FUT9: variants seen among roughly 807,000 people sequenced by gnomAD.
The protein encoded by FUT9 is fucosyltransferase 9, also known as 4-galactosyl-N-acetylglucosaminide 3-alpha-L-fucosyltransferase 9.
FUT9 carries 15 observed loss-of-function variants against 29.7 expected under a neutral mutation model. The ratio of observed to expected loss-of-function variants is 0.51; its 90% CI spans 0.34 to 0.78. The LOEUF (loss-of-function observed/expected upper bound fraction) is 0.78, where lower values mean the gene tolerates loss of function less well. Among genes scored for constraint, FUT9 ranks in the 30% least tolerant of loss-of-function variants. The probability of loss-of-function intolerance (pLI) is 0.01; values close to 1 mark genes in which losing one functional copy is unlikely to be tolerated. For synonymous variants in FUT9, 169 were observed against 153.7 expected (o/e 1.10, Z -0.74); for missense variants, 319 against 425.4 (o/e 0.75, Z 2.20).
At chr6:96,069,063 T>C (rs1398881366) in intron 1 of FUT9, among the ~76,000 whole-genome samples, 5 of 152,336 alleles carry the variant, frequency 3.3e-5, no homozygotes, top group South Asian at 2.1e-4. Flanking sequence ...ACGCCTGTCA[T>C]TCCAGCACTT....
chr6:96,070,630 T>C (rs1307323200), intron 1 of FUT9, among the ~76,000 whole-genome samples: 3 of 152,046 alleles, frequency 2.0e-5, no homozygotes, highest in African/African-American at 4.8e-5. Flanking sequence ...GAGGTTACAG[T>C]GAGCCGAGAT....
chr6:96,067,707 T>C (rs1770987984), intron 1 of FUT9, among the ~76,000 whole-genome samples: 1 of 152,076 alleles, frequency 6.6e-6, no homozygotes, highest in South Asian at 2.1e-4. Flanking sequence ...AGAATTGTGG[T>C]TGGAAGTATA....
intron 1 of FUT9, among the ~76,000 whole-genome samples, chr6:96,029,320 T>G (rs1770221182): frequency 6.6e-6 from 1 of 151,540 alleles, no homozygotes; most frequent in Non-Finnish European, 1.5e-5. Flanking sequence ...CATTGGGGCT[T>G]ATATGTGGAC....
At chr6:96,041,506 A>G (rs1770458424) in intron 1 of FUT9, among the ~76,000 whole-genome samples, 1 of 152,148 alleles carries the variant, frequency 6.6e-6, no homozygotes, top group Admixed American at 6.5e-5. Flanking sequence ...TCCCATTTCT[A>G]TGCAGGAAAA....
At chr6:96,034,183 C>G (rs1478702040) in intron 1 of FUT9, among the ~76,000 whole-genome samples, 2 of 151,528 alleles carry the variant, frequency 1.3e-5, no homozygotes, top group Admixed American at 6.6e-5. Context: ...GCACATCACC[C>G]TTCTGATGAA....
intron 2 of FUT9, among the ~76,000 whole-genome samples, chr6:96,120,128 T>C (rs1582245526): frequency 6.6e-6 from 1 of 152,010 alleles, no homozygotes; most frequent in Non-Finnish European, 1.5e-5. Flanking sequence ...AGAATTCTCA[T>C]TATTTTATTT....
chr6:96,212,424 C>A lies in FUT9; in HGVS notation c.*8189C>A. The A allele has an allele frequency of 2.4e-6, 1 of 411,522 alleles. No individual in the cohort carries two copies. The highest frequency in any genetic ancestry group is 1.3e-4 in the South Asian group (1 of 7,686). 25.5% of individuals were successfully genotyped at this position (411,522 alleles called of 1,614,324 possible). On this transcript the variant is annotated 3_prime_UTR_variant, in exon 3 of 3. Coordinates refer to ENST00000302103, the MANE Select transcript of FUT9 (RefSeq NM_006581.4). ...TTGTCTATGTAAACCTGGAAGTAGT[C>A]TACTTTTTAGATAAAAGATAATCTA...
At chr6:96,182,652 C>T (rs1227388409) in intron 2 of FUT9, among the ~76,000 whole-genome samples, 1 of 152,116 alleles carries the variant, frequency 6.6e-6, no homozygotes, top group East Asian at 1.9e-4. Context: ...CATTCTCCTA[C>T]ATGTGGCTAG....
intron 1 of FUT9, among the ~76,000 whole-genome samples, chr6:96,095,434 C>A (rs1042489714): frequency 2.6e-5 from 4 of 152,152 alleles, no homozygotes; most frequent in South Asian, 4.1e-4. Context: ...CTTGCCCCAC[C>A]ATTCACCATA....
chr6:96,076,903 T>G lies in FUT9; in HGVS notation c.-97-37136T>G, dbSNP rs539269706. 2.0e-5 allele frequency among the ~76,000 whole-genome samples: 3 copies of G among 152,324 alleles called. No homozygotes were observed. In the South Asian group the frequency reaches 6.2e-4, roughly 32 times the overall value. On this transcript the variant is annotated intron_variant, in intron 1 of 2. Coordinates refer to ENST00000302103, the MANE Select transcript of FUT9 (RefSeq NM_006581.4). Reference sequence around the variant, plus strand: ...TATCAGATAAACAAATAGACTGTAATAAGGAAACTTTGATTATTAGTTCAC... The same window carrying G: ...TATCAGATAAACAAATAGACTGTAAGAAGGAAACTTTGATTATTAGTTCAC...
In FUT9 at chr6:96,203,226, C is replaced by T. The variant is rs1201676343; in HGVS notation, c.71C>T (p.Ala24Val). The change falls in exon 3 of 3, where the codon GCA becomes GTA. Residue 24 changes from alanine to valine, a missense_variant. Coordinates refer to ENST00000302103, the MANE Select transcript of FUT9 (RefSeq NM_006581.4). ...IVCIILGCFMACLLIYIKPTN... is the reference protein window; with the variant it reads ...IVCIILGCFMVCLLIYIKPTN... ...TGCATTATCCTGGGCTGTTTCATGG[C>T]ATGTCTTCTCATTTACATCAAACCT... The T allele has an allele frequency of 1.2e-6, 2 of 1,612,480 alleles. No homozygotes were observed. The highest frequency in any genetic ancestry group is 2.2e-5 in the East Asian group (1 of 44,864).
chr6:96,067,137 C>CAT (rs879283068), intron 1 of FUT9, among the ~76,000 whole-genome samples: 161 of 148,870 alleles, frequency 1.1e-3, no homozygotes, highest in Middle Eastern at 3.6e-3. Context: ...TATATGTATA[C>CAT]ATATATATAT....
chr6:96,193,388 C>G (rs4568461), intron 2 of FUT9, among the ~76,000 whole-genome samples: 1 of 98,080 alleles, frequency 1.0e-5, no homozygotes, highest in South Asian at 4.7e-4. Flanking sequence ...AGAAAGTGGG[C>G]GAAGGATGTG....
chr6:96,132,620 C>A (rs1772268467), intron 2 of FUT9, among the ~76,000 whole-genome samples: 1 of 152,086 alleles, frequency 6.6e-6, no homozygotes, highest in African/African-American at 2.4e-5. Context: ...AAGCTACATA[C>A]ATTTTGCCAG....
In FUT9 at chr6:96,184,583, G is replaced by A. The variant is rs150467105; in HGVS notation, c.-8-18565G>A. On this transcript the variant is annotated intron_variant, in intron 2 of 2. Transcript: ENST00000302103. ...GCTCTTTAGATTTTTCAGTGTAGGCGTTTAGAGCTATGAACTTTCCTCTTA... is the reference window on the plus strand; with the variant it reads ...GCTCTTTAGATTTTTCAGTGTAGGCATTTAGAGCTATGAACTTTCCTCTTA... Among the ~76,000 whole-genome samples the A allele has an allele frequency of 1.6e-3, 244 of 152,014 alleles. 3 individuals carry two copies. Among genetic ancestry groups the A allele is most frequent in the Middle Eastern group, 3.4e-3 (1 of 294 alleles).
chr6:96,016,917 CT>C (rs1769990407), intron 1 of FUT9, among the ~76,000 whole-genome samples: 1 of 152,180 alleles, frequency 6.6e-6, no homozygotes, highest in African/African-American at 2.4e-5. Flanking sequence ...TGGAAACAAA[CT>C]TTTTGTTATT....
intron 2 of FUT9, among the ~76,000 whole-genome samples, chr6:96,124,501 A>C (rs6571054): frequency 6.6e-6 from 1 of 151,994 alleles, no homozygotes; most frequent in Non-Finnish European, 1.5e-5. Context: ...ATTATCTTTA[A>C]TTTTTATTTT....
intron 1 of FUT9, among the ~76,000 whole-genome samples, chr6:96,025,087 A>G (rs1770140578): frequency 6.6e-6 from 1 of 151,848 alleles, no homozygotes; most frequent in Non-Finnish European, 1.5e-5. Context: ...ATTGTGAGCC[A>G]AAATTCTAAT....
At chr6:96,146,852 A>G (rs1297109528) in intron 2 of FUT9, among the ~76,000 whole-genome samples, 1 of 152,224 alleles carries the variant, frequency 6.6e-6, no homozygotes, top group Non-Finnish European at 1.5e-5. Context: ...TATTGCTGCT[A>G]ATTGACAAGC....
Sources: allele counts gnomAD v4.1 joint callset (sites outside exome capture counted in the v4.1 genomes callset), GRCh38; gene constraint gnomAD v4.1.1; transcripts MANE v1.5; gene names NCBI Gene and HGNC (gene_info 2026-07-23, HGNC 2026-07-21).